The following EVL variants were observed in gnomAD, a reference collection of about 807,000 sequenced individuals.
EVL encodes the protein ena/VASP-like protein.
A neutral mutation model predicts 59.6 loss-of-function variants in EVL; 21 were observed. The ratio of observed to expected loss-of-function variants is 0.35; its 90% CI spans 0.25 to 0.51. The LOEUF is 0.51. Ranked by LOEUF, EVL falls within the 20% of genes least tolerant of loss-of-function variation. The pLI, the probability that EVL is intolerant of heterozygous loss-of-function variation, is 0.97. For synonymous variants in EVL, 198 were observed against 203.5 expected (o/e 0.97, Z 0.23); for missense variants, 462 against 546.6 (o/e 0.85, Z 1.54).
At chr14:100,112,099 C>T (rs1368197305) in intron 3 of EVL, among the ~76,000 whole-genome samples, 1 of 152,224 alleles carries the variant, frequency 6.6e-6, no homozygotes, top group Non-Finnish European at 1.5e-5. Flanking sequence ...TCATTTCTTT[C>T]CTAAGGAAGG....
intron 1 of EVL, among the ~76,000 whole-genome samples, chr14:100,037,481 T>C (rs1405810487): frequency 6.6e-6 from 1 of 152,232 alleles, no homozygotes; most frequent in Non-Finnish European, 1.5e-5. Context: ...TCTGTACTTC[T>C]CATGCCCTTT....
chr14:100,070,270 A>C (rs2062022301), intron 1 of EVL, among the ~76,000 whole-genome samples: 1 of 152,100 alleles, frequency 6.6e-6, no homozygotes, highest in African/African-American at 2.4e-5. Context: ...CTACCTCAAA[A>C]AGAAAAGAAA....
At chr14:100,093,753 G>A (rs570244789) in intron 2 of EVL, among the ~76,000 whole-genome samples, 4 of 152,230 alleles carry the variant, frequency 2.6e-5, no homozygotes, top group Non-Finnish European at 4.4e-5. Flanking sequence ...GACCAGAGAG[G>A]GAATTATAGG....
At position 100,127,662 on chromosome 14, in the gene EVL, C is replaced by T. The variant is rs185291390; in HGVS notation, c.488-857C>T. On this transcript the variant is annotated intron_variant, in intron 5 of 13. Transcript: ENST00000392920. The surrounding 1 kb of genome is among the most constrained non-coding windows in gnomAD (Gnocchi z 4.2). ...TTCCTCCTTCCTCACACTTGCCTCC[C>T]CCCTTCACCTAACTGAACCCCTGCT... 3.9e-5 allele frequency among the ~76,000 whole-genome samples: 6 copies of T among 152,306 alleles called. No homozygotes were observed. Among genetic ancestry groups the T allele is most frequent in the African/African-American group, 1.4e-4 (6 of 41,564 alleles).
intron 1 of EVL, among the ~76,000 whole-genome samples, chr14:99,981,738 C>T (rs1269984606): frequency 6.6e-6 from 1 of 152,210 alleles, no homozygotes; most frequent in Non-Finnish European, 1.5e-5. Flanking sequence ...AATGTACATA[C>T]CTTCATTAGA....
intron 4 of EVL, 59 bp downstream of exon 4, chr14:100,123,661 G>T: frequency 1.3e-6 from 2 of 1,585,434 alleles, no homozygotes; most frequent in South Asian, 2.2e-5. Context: ...GGGTGGCCAG[G>T]GGTGCCTTCA....
chr14:99,981,462 T>C (rs966763723), intron 1 of EVL, among the ~76,000 whole-genome samples: 2 of 152,050 alleles, frequency 1.3e-5, no homozygotes, highest in African/African-American at 4.8e-5. Flanking sequence ...AAGTAACAAT[T>C]ATATATATAA....
At chr14:100,090,563 G>A (rs1394413866) in intron 2 of EVL, among the ~76,000 whole-genome samples, 6 of 152,090 alleles carry the variant, frequency 3.9e-5, no homozygotes, top group South Asian at 2.1e-4. Context: ...CTGAACAAAC[G>A]ATTAATGACT....
chr14:100,126,907 C>T, intron 5 of EVL, 136 bp downstream of exon 5: 2 of 735,820 alleles, frequency 2.7e-6, no homozygotes, highest in Non-Finnish European at 4.5e-6. Context: ...GTGCAACCAC[C>T]ACTTCAGATG....
chr14:100,061,466 A>C (rs1234159047), upstream of EVL, among the ~76,000 whole-genome samples: 1 of 149,290 alleles, frequency 6.7e-6, no homozygotes. Context: ...GCTGCAAAAA[A>C]AAAAAAAAAA....
chr14:99,982,445 A>G (rs2060813388), intron 1 of EVL, among the ~76,000 whole-genome samples: 1 of 152,208 alleles, frequency 6.6e-6, no homozygotes, highest in Non-Finnish European at 1.5e-5. Context: ...GTTAATTTTA[A>G]AGAAGAAGAA....
chr14:100,038,771 G>GGTGGGTGTGTGTGTGTGTGTGT (rs1555415166), intron 1 of EVL, among the ~76,000 whole-genome samples: 6 of 140,914 alleles, frequency 4.3e-5, no homozygotes. Context: ...TGTGCCCTGG[G>GGTGGGTGTGTGTGTGTGTGTGT]GTGTGTGTGT....
intron 1 of EVL, among the ~76,000 whole-genome samples, chr14:100,065,826 A>AG (rs1479817848): frequency 1.3e-5 from 2 of 152,138 alleles, no homozygotes; most frequent in African/African-American, 4.8e-5. Flanking sequence ...TGAGCCATCT[A>AG]GGGGAATTGT....
chr14:100,012,302 G>T (rs569280642), intron 1 of EVL, among the ~76,000 whole-genome samples: 1 of 152,190 alleles, frequency 6.6e-6, no homozygotes, highest in East Asian at 1.9e-4. Flanking sequence ...CCTGAAGTGC[G>T]TCTGAATCTT....
At chr14:99,987,600 C>G (rs1165823138) in intron 1 of EVL, among the ~76,000 whole-genome samples, 1 of 152,174 alleles carries the variant, frequency 6.6e-6, no homozygotes, top group Non-Finnish European at 1.5e-5. Context: ...CGAGATTGCA[C>G]CACTGCACTC....
chr14:100,064,153 T>C (rs2061885335), upstream of EVL, among the ~76,000 whole-genome samples: 1 of 152,250 alleles, frequency 6.6e-6, no homozygotes, highest in African/African-American at 2.4e-5. Context: ...TCAAAGTGCA[T>C]TCATCTCTCC....
chr14:99,971,750 T>G (rs1207757233), exon 1 of EVL: 1 of 71,654 alleles, frequency 1.4e-5, no homozygotes, highest in East Asian at 4.9e-4. Context: ...CGCCCCCCCA[T>G]CCCCCGGCGG....
exon 1 of EVL, chr14:99,971,989 C>CCGCCGCCGA (rs1380441153): frequency 1.5e-5 from 1 of 67,842 alleles, no homozygotes; most frequent in African/African-American, 2.8e-4. Flanking sequence ...GTCCCGCGCC[C>CCGCCGCCGA]CGCCGCCGCC....
intron 1 of EVL, among the ~76,000 whole-genome samples, chr14:100,043,439 A>G (rs2061498432): frequency 7.0e-6 from 1 of 142,978 alleles, no homozygotes; most frequent in African/African-American, 2.6e-5. Flanking sequence ...TTGTGGCTCA[A>G]TCCAAGTCCA....
Sources: allele counts gnomAD v4.1 joint callset (sites outside exome capture counted in the v4.1 genomes callset), GRCh38; gene constraint gnomAD v4.1.1; non-coding constraint Gnocchi (gnomAD v3.1); transcripts MANE v1.5; gene names NCBI Gene and HGNC (gene_info 2026-07-23, HGNC 2026-07-21).